SLC39A11: variants seen among roughly 807,000 people sequenced by gnomAD.
The protein encoded by SLC39A11 is solute carrier family 39 member 11, also known as zinc transporter ZIP11.
Under a neutral mutation model 36.1 loss-of-function variants are expected in SLC39A11, and 33 were observed. The observed-to-expected ratio is 0.91, with a 90% CI of 0.69 to 1.22. The LOEUF (loss-of-function observed/expected upper bound fraction) is 1.22. SLC39A11 is among the 50% of genes most tolerant of loss of function. The pLI, the probability that SLC39A11 is intolerant of heterozygous loss-of-function variation, is 0.00. For synonymous variants in SLC39A11, 166 were observed against 170.3 expected (o/e 0.97, Z 0.20); for missense variants, 432 against 430.3 (o/e 1.00, Z -0.03).
intron 6 of SLC39A11, among the ~76,000 whole-genome samples, chr17:72,803,729 G>C (rs1183212961): frequency 4.6e-5 from 7 of 152,148 alleles, no homozygotes; most frequent in African/African-American, 1.7e-4. Flanking sequence ...AGACCCCCTT[G>C]ATCAGTATTC....
chr17:73,092,536 C>G (rs376530625), intron 1 of SLC39A11, 75 bp downstream of exon 1: 1 of 152,948 alleles, frequency 6.5e-6, no homozygotes, highest in East Asian at 1.9e-4. Flanking sequence ...AAGTCCCACA[C>G]TCTTGTCCTG....
intron 6 of SLC39A11, among the ~76,000 whole-genome samples, chr17:72,765,107 C>T (rs56022545): frequency 0.017 from 2,618 of 152,260 alleles, 71 homozygotes; most frequent in African/African-American, 0.059. Context: ...GAGCCTGAAT[C>T]CTGCCAAGTG....
intron 6 of SLC39A11, among the ~76,000 whole-genome samples, chr17:72,751,506 T>A (rs973319280): frequency 3.9e-5 from 6 of 152,188 alleles, no homozygotes; most frequent in African/African-American, 1.4e-4. Context: ...ATCTTCCTCA[T>A]TTTTAAGTGT....
chr17:72,772,591 A>G (rs2075985769), intron 6 of SLC39A11, among the ~76,000 whole-genome samples: 1 of 152,160 alleles, frequency 6.6e-6, no homozygotes. Context: ...GAGTGACAGA[A>G]AGAGAAGGTA....
chr17:73,026,179 A>AG (rs377338321), intron 4 of SLC39A11, among the ~76,000 whole-genome samples: 208 of 17,646 alleles, frequency 0.012, no homozygotes, highest in African/African-American at 0.03. Flanking sequence ...AGGAGAGGAG[A>AG]AAGAGAAGAG....
intron 3 of SLC39A11, among the ~76,000 whole-genome samples, chr17:73,077,961 G>T (rs565490271): frequency 6.6e-6 from 1 of 152,234 alleles, no homozygotes; most frequent in Admixed American, 6.5e-5. Context: ...GAGTAACCTA[G>T]GGCACAGTGG....
chr17:72,692,694 G>A (rs9916794), intron 7 of SLC39A11, among the ~76,000 whole-genome samples: 7,966 of 152,204 alleles, frequency 0.052, 642 homozygotes, highest in African/African-American at 0.17. Flanking sequence ...ATTTGAATGG[G>A]GACACAGCCA....
intron 6 of SLC39A11, among the ~76,000 whole-genome samples, chr17:72,786,292 T>C (rs2076513076): frequency 6.6e-6 from 1 of 152,214 alleles, no homozygotes; most frequent in African/African-American, 2.4e-5. Context: ...TCTTAGTTAA[T>C]ACTGTAACTA....
At chr17:72,772,479 G>A (rs1013967468) in intron 6 of SLC39A11, among the ~76,000 whole-genome samples, 1 of 152,106 alleles carries the variant, frequency 6.6e-6, no homozygotes, top group African/African-American at 2.4e-5. Context: ...CCGTTAATCC[G>A]GAAGCCACAT....
At chr17:72,943,296 A>C (rs917319248) in intron 5 of SLC39A11, among the ~76,000 whole-genome samples, 7 of 152,220 alleles carry the variant, frequency 4.6e-5, no homozygotes, top group Non-Finnish European at 8.8e-5. Context: ...CAGAAGCAGA[A>C]CCAATAAGGA....
intron 5 of SLC39A11, among the ~76,000 whole-genome samples, chr17:72,922,774 C>A (rs960684735): frequency 2.6e-5 from 4 of 151,874 alleles, no homozygotes; most frequent in African/African-American, 7.3e-5. Context: ...TTGAGACCAG[C>A]CTGGCCAACA....
At chr17:72,742,199 T>C (rs34842543) in intron 6 of SLC39A11, among the ~76,000 whole-genome samples, 62,224 of 117,870 alleles carry the variant, frequency 0.53, 15,806 homozygotes, top group Middle Eastern at 0.63. Flanking sequence ...TGAGACTCCA[T>C]CTCAAAAAAA....
chr17:72,736,512 T>A lies in SLC39A11; in HGVS notation c.671+138A>T, dbSNP rs2074436118. 4.3e-6 allele frequency: 3 copies of A among 704,284 alleles called. No individual in the cohort carries two copies. In the East Asian group the frequency reaches 7.6e-5, roughly 18 times the overall value. 43.6% of individuals were successfully genotyped at this position (704,284 alleles called of 1,614,324 possible). ...CAGGGATGGCCTTCACCGGACCCCATGTGGCCTCCATCAGTCTTGGTCCTG... is the reference window on the plus strand; with the variant it reads ...CAGGGATGGCCTTCACCGGACCCCAAGTGGCCTCCATCAGTCTTGGTCCTG... On this transcript the variant is annotated intron_variant, in intron 7 of 9. Transcript: ENST00000255559.
chr17:72,914,525 G>A (rs1184997194), intron 5 of SLC39A11, among the ~76,000 whole-genome samples: 2 of 152,112 alleles, frequency 1.3e-5, no homozygotes, highest in Non-Finnish European at 1.5e-5. Context: ...TGCATCTGCA[G>A]ATTTCGGTAT....
intron 6 of SLC39A11, among the ~76,000 whole-genome samples, chr17:72,759,381 A>C (rs2075487106): frequency 6.6e-6 from 1 of 152,248 alleles, no homozygotes; most frequent in Non-Finnish European, 1.5e-5. Context: ...AACTCACTTC[A>C]CACAAACTAC....
At chr17:72,805,050 T>A (rs183503993) in intron 6 of SLC39A11, among the ~76,000 whole-genome samples, 1 of 152,152 alleles carries the variant, frequency 6.6e-6, no homozygotes, top group East Asian at 1.9e-4. Context: ...CAAGTCCCCT[T>A]CCATCACTGA....
At chr17:72,926,514 T>C (rs2084057807) in intron 5 of SLC39A11, among the ~76,000 whole-genome samples, 1 of 148,720 alleles carries the variant, frequency 6.7e-6, no homozygotes, top group African/African-American at 2.6e-5. Flanking sequence ...TGGGGGAAGA[T>C]ATTTTTTCTG....
At chr17:72,797,748 G>A (rs764858648) in intron 6 of SLC39A11, among the ~76,000 whole-genome samples, 29 of 152,100 alleles carry the variant, frequency 1.9e-4, no homozygotes, top group African/African-American at 4.6e-4. Context: ...ATCTAAGCTC[G>A]CAGGTGGCAC....
At chr17:72,960,182 C>T (rs1303533175) in intron 4 of SLC39A11, among the ~76,000 whole-genome samples, 1 of 152,172 alleles carries the variant, frequency 6.6e-6, no homozygotes, top group Non-Finnish European at 1.5e-5. Context: ...TACACAGCAG[C>T]ATGGTCATAT....
Sources: allele counts gnomAD v4.1 joint callset (sites outside exome capture counted in the v4.1 genomes callset), GRCh38; gene constraint gnomAD v4.1.1; transcripts MANE v1.5; gene names NCBI Gene and HGNC (gene_info 2026-07-23, HGNC 2026-07-21).